Variants in NCOA2 observed in about 807,000 individuals in gnomAD.
NCOA2 encodes nuclear receptor coactivator 2.
NCOA2 carries 21 observed loss-of-function variants against 145.1 expected under a neutral mutation model. The observed-to-expected ratio is 0.14, with a 90% CI of 0.10 to 0.21. The LOEUF (loss-of-function observed/expected upper bound fraction) is 0.21, where lower values mean the gene tolerates loss of function less well. NCOA2 is among the 10% of genes least tolerant of loss of function. NCOA2 has a pLI of 1.00. For missense variants in NCOA2, 1,472 were observed against 1,837.6 expected (o/e 0.80, Z 3.64); for synonymous variants, 619 against 637.5 (o/e 0.97, Z 0.44).
At chr8:70,433,878 G>A in the NCOA2 span, among the ~76,000 whole-genome samples, 2 of 152,172 alleles carry the variant, frequency 1.3e-5, no homozygotes, top group African/African-American at 4.8e-5. Context: ...TGTGGGATGT[G>A]TTAAGTTTTA....
At chr8:70,204,960 A>G (rs1818281482) in intron 4 of NCOA2, among the ~76,000 whole-genome samples, 1 of 152,204 alleles carries the variant, frequency 6.6e-6, no homozygotes, top group African/African-American at 2.4e-5. Context: ...GTGAGCGGAG[A>G]TCGTACCATT....
At position 70,123,872 on chromosome 8, in the gene NCOA2, T is replaced by C. The variant is rs199639943; in HGVS notation, c.4293+12A>G. Reference sequence around the variant, plus strand: ...TATGAAGCCACTGGGTTGCTTCTCCTTGGGCACTCACCTGCTCGGGACCCA... The same window carrying C: ...TATGAAGCCACTGGGTTGCTTCTCCCTGGGCACTCACCTGCTCGGGACCCA... On this transcript the variant is annotated intron_variant, in intron 21 of 22. Coordinates refer to ENST00000452400, the MANE Select transcript of NCOA2 (RefSeq NM_006540.4). 1 of 1,591,526 alleles carries C rather than the reference T, an allele frequency of 6.3e-7. No homozygotes were observed. The highest frequency in any genetic ancestry group is 2.3e-5 in the East Asian group (1 of 44,318).
At chr8:70,212,097 A>G (rs967883958) in intron 4 of NCOA2, among the ~76,000 whole-genome samples, 4 of 140,356 alleles carry the variant, frequency 2.8e-5, no homozygotes, top group African/African-American at 2.7e-5. Flanking sequence ...ATATATATAT[A>G]TATTTGTTTT....
intron 2 of NCOA2, among the ~76,000 whole-genome samples, chr8:70,218,748 TAGG>T (rs1819881044): frequency 6.6e-6 from 1 of 152,160 alleles, no homozygotes; most frequent in African/African-American, 2.4e-5. Context: ...ACAAATGACC[TAGG>T]AGATTTTCAC....
Position 70,127,046 on chromosome 8 carries a change from G to A in NCOA2, c.3683C>T (p.Ala1228Val), listed in dbSNP as rs370219756. ...GGCCAGCATCTGTGCATTAATAGGT[G>A]CCTGAAATCCGGGGCAACACATGGA... ...LTLRPGVPTQ[A>V]PINAQMLAQR... Residue 1228 changes from alanine to valine, a missense_variant and splice_region_variant, in exon 19 of 23, where the codon GCA becomes GTA. By Grantham distance (64) the Ala-to-Val change is moderately conservative. Coordinates refer to ENST00000452400, the MANE Select transcript of NCOA2 (RefSeq NM_006540.4). 20 of 1,604,966 alleles carry A rather than the reference G, an allele frequency of 1.2e-5. No individual in the cohort carries two copies. In the African/African-American group the frequency reaches 2.5e-4, roughly 20 times the overall value.
chr8:70,222,306 A>T (rs896073540), intron 2 of NCOA2, among the ~76,000 whole-genome samples: 12 of 152,226 alleles, frequency 7.9e-5, no homozygotes, highest in Non-Finnish European at 1.3e-4. Context: ...TGATTTTTCA[A>T]TACTAAAACA....
At chr8:70,445,252 T>G in the NCOA2 span, among the ~76,000 whole-genome samples, 1 of 152,248 alleles carries the variant, frequency 6.6e-6, no homozygotes, top group Non-Finnish European at 1.5e-5. Flanking sequence ...TGTCATTTTT[T>G]GGCTGAGTTA....
chr8:70,397,690 C>T (rs1292414814), intron 1 of NCOA2, among the ~76,000 whole-genome samples: 3 of 152,094 alleles, frequency 2.0e-5, no homozygotes, highest in Non-Finnish European at 4.4e-5. Context: ...GACTCAAGGA[C>T]AGAGAGCACA....
At chr8:70,152,652 G>T (rs1796430917) in intron 11 of NCOA2, among the ~76,000 whole-genome samples, 1 of 152,190 alleles carries the variant, frequency 6.6e-6, no homozygotes, top group Admixed American at 6.5e-5. Context: ...ACTTAAAAGT[G>T]TGTAAACATA....
intron 1 of NCOA2, among the ~76,000 whole-genome samples, chr8:70,345,348 CAG>C (rs1268157310): frequency 6.6e-6 from 1 of 152,160 alleles, no homozygotes; most frequent in African/African-American, 2.4e-5. Context: ...AAAGCATTTT[CAG>C]AGACATGTAA....
chr8:70,171,187 G>T (rs147978734), intron 5 of NCOA2, among the ~76,000 whole-genome samples: 3 of 152,340 alleles, frequency 2.0e-5, no homozygotes, highest in African/African-American at 7.2e-5. Flanking sequence ...AGGAGATAAA[G>T]AATCTAGGAT....
chr8:70,345,907 G>C (rs1046632995), intron 1 of NCOA2, among the ~76,000 whole-genome samples: 1 of 152,114 alleles, frequency 6.6e-6, no homozygotes, highest in Admixed American at 6.6e-5. Context: ...CACCAAACAG[G>C]AACTCCCACT....
intron 15 of NCOA2, 62 bp from the exon 16 acceptor site, chr8:70,132,064 C>A (rs901560311): frequency 5.9e-5 from 89 of 1,507,780 alleles, no homozygotes; most frequent in Non-Finnish European, 7.4e-5. Context: ...AGAACAAATT[C>A]TTTATCTCAA....
chr8:70,326,824 T>G (rs1309290460), intron 1 of NCOA2, among the ~76,000 whole-genome samples: 1 of 152,210 alleles, frequency 6.6e-6, no homozygotes, highest in East Asian at 1.9e-4. Context: ...TTTTAGCCTT[T>G]GAAGTATTGG....
chr8:70,357,699 C>A (rs935903272), intron 1 of NCOA2, among the ~76,000 whole-genome samples: 1 of 151,466 alleles, frequency 6.6e-6, no homozygotes, highest in Non-Finnish European at 1.5e-5. Context: ...CTAGATCGTG[C>A]GCCACTGCAC....
intron 1 of NCOA2, among the ~76,000 whole-genome samples, chr8:70,337,230 TGG>T (rs1491212469): frequency 2.0e-5 from 3 of 150,068 alleles, no homozygotes; most frequent in Non-Finnish European, 3.0e-5. Flanking sequence ...TGTGTGTGTG[TGG>T]TGTAACACAG....
the NCOA2 span, among the ~76,000 whole-genome samples, chr8:70,446,356 C>T: frequency 6.6e-6 from 1 of 152,312 alleles, no homozygotes; most frequent in South Asian, 2.1e-4. Flanking sequence ...CCTAAGGTGC[C>T]TTCCAGAGGA....
intron 2 of NCOA2, among the ~76,000 whole-genome samples, chr8:70,244,687 G>C (rs558415383): frequency 6.6e-6 from 1 of 152,160 alleles, no homozygotes; most frequent in Admixed American, 6.6e-5. Context: ...ATTAAGATTT[G>C]CATCTAAAAA....
At chr8:70,317,696 A>G (rs549512598) in intron 1 of NCOA2, among the ~76,000 whole-genome samples, 282 of 152,298 alleles carry the variant, frequency 1.9e-3, no homozygotes, top group Non-Finnish European at 3.0e-3. Context: ...GCACTTTAAG[A>G]AGTCCATTTA....
Sources: allele counts gnomAD v4.1 joint callset (sites outside exome capture counted in the v4.1 genomes callset), GRCh38; gene constraint gnomAD v4.1.1; transcripts MANE v1.5; gene names NCBI Gene and HGNC (gene_info 2026-07-23, HGNC 2026-07-21).